FANCI: variants seen among roughly 807,000 people sequenced by gnomAD.
FANCI encodes Fanconi anemia group I protein.
In FANCI, 156 loss-of-function variants were observed where a neutral mutation model predicts 176.1. The ratio of observed to expected loss-of-function variants is 0.89; its 90% CI spans 0.78 to 1.01. The LOEUF (loss-of-function observed/expected upper bound fraction) is 1.01. Ranked by LOEUF, FANCI falls within the 50% of genes least tolerant of loss-of-function variation. The probability of loss-of-function intolerance (pLI) is 0.00; values close to 1 mark genes in which losing one functional copy is unlikely to be tolerated. For synonymous variants in FANCI, 613 were observed against 541.7 expected (o/e 1.13, Z -1.83); for missense variants, 1,678 against 1,534.1 (o/e 1.09, Z -1.57).
chr15:89,263,827 G>A, intron 7 of FANCI, 76 bp from the exon 8 acceptor site: 2 of 1,561,362 alleles, frequency 1.3e-6, no homozygotes, highest in Admixed American at 1.7e-5. Context: ...TTTAACCACT[G>A]TAAAGCCCTG....
Position 89,316,466 on chromosome 15 carries a change from T to A in FANCI, c.*7T>A. On this transcript the variant is annotated 3_prime_UTR_variant, in exon 38 of 38. Transcript: ENST00000310775. Reference sequence around the variant, plus strand: ...GAAGAAAAGGAAAAAATAAATGAAATGCCTGAGTTAATGTGAACTTTGGGG... The same window carrying A: ...GAAGAAAAGGAAAAAATAAATGAAAAGCCTGAGTTAATGTGAACTTTGGGG... 1 of 1,606,882 alleles carries A rather than the reference T, an allele frequency of 6.2e-7. No homozygotes were observed. Among genetic ancestry groups the A allele is most frequent in the South Asian group, 1.1e-5 (1 of 89,908 alleles).
At chr15:89,313,874 T>G (rs1460337180) in intron 35 of FANCI, among the ~76,000 whole-genome samples, 1 of 151,072 alleles carries the variant, frequency 6.6e-6, no homozygotes, top group Non-Finnish European at 1.5e-5. Flanking sequence ...AAAAAAAATT[T>G]GTACAGTATC....
rs1171951022 is a variant in FANCI at position 89,294,964 on chromosome 15, A to C, written c.2506A>C (p.Asn836His). ...AAGCCTTTCTGTTCTCAGGTCCAGCAATGAGTTTATGCGCTATGCAGTGAA... is the reference window on the plus strand; with the variant it reads ...AAGCCTTTCTGTTCTCAGGTCCAGCCATGAGTTTATGCGCTATGCAGTGAA... ...QESLSVLRSS[N>H]EFMRYAVNVA... The change falls in exon 24 of 38, where the codon AAT becomes CAT. Residue 836 changes from asparagine to histidine, a missense_variant. Around this residue, in one of 3 missense-constraint regions of FANCI, gnomAD observed 1,204 missense variants for 1,077.4 expected, o/e 1.12. Transcript: ENST00000310775. 16 of 1,552,258 alleles carry C rather than the reference A, an allele frequency of 1.0e-5. No individual in the cohort carries two copies. The highest frequency in any genetic ancestry group is 1.3e-5 in the Non-Finnish European group (15 of 1,147,152).
At chr15:89,311,283 G>A (rs910075135) in intron 34 of FANCI, among the ~76,000 whole-genome samples, 1 of 151,900 alleles carries the variant, frequency 6.6e-6, no homozygotes, top group Admixed American at 6.6e-5. Context: ...GCCGGGCATG[G>A]TAGTGCGTGC....
chr15:89,286,064 G>C (rs560971498), intron 18 of FANCI, among the ~76,000 whole-genome samples: 7 of 151,732 alleles, frequency 4.6e-5, no homozygotes, highest in African/African-American at 1.7e-4. Context: ...GTTCACTGCA[G>C]CCTCCATCCT....
In FANCI at chr15:89,316,642, G is replaced by T. The variant is rs749017921; in HGVS notation, c.*183G>T. 2.6e-6 allele frequency: 3 copies of T among 1,155,586 alleles called. No individual in the cohort carries two copies. Among genetic ancestry groups the T allele is most frequent in the Non-Finnish European group, 2.6e-6 (2 of 769,384 alleles). The allele number at this position is 1,155,586 out of a possible 1,614,324, so 71.6% of individuals were successfully genotyped here. A position where few individuals can be genotyped will look rare whatever the true frequency, so the allele number is the denominator to read the frequency against. ...CAGGTCCTGCTACTGAAAAATGGCT[G>T]GCCTTAGGCAAGCCCTTTTGCAAAA... On this transcript the variant is annotated 3_prime_UTR_variant, in exon 38 of 38. Transcript: ENST00000310775.
In FANCI at chr15:89,280,001, TTTAG is replaced by T. The variant is rs1414131037; in HGVS notation, c.1382-1167_1382-1164del. ...TGACTACAGAATCATCAATATGTTCTTTAGTAAATTGTCAGCTCTTTTTGTTTGT... is the reference window on the plus strand; with the variant it reads ...TGACTACAGAATCATCAATATGTTCTTAAATTGTCAGCTCTTTTTGTTTGT... On this transcript the variant is annotated intron_variant, in intron 14 of 37. Coordinates refer to ENST00000310775, the MANE Select transcript of FANCI (RefSeq NM_001113378.2). 2.6e-3 allele frequency among the ~76,000 whole-genome samples: 399 copies of T among 152,262 alleles called. 8 individuals carry two copies. Among genetic ancestry groups the T allele is most frequent in the East Asian group, 0.015 (76 of 5,178 alleles).
intron 34 of FANCI, among the ~76,000 whole-genome samples, chr15:89,311,248 G>A (rs984681794): frequency 1.4e-5 from 2 of 147,976 alleles, no homozygotes; most frequent in Admixed American, 6.7e-5. Flanking sequence ...AACAGAGCAT[G>A]ACTCTGTCTC....
At chr15:89,281,347 T>TA in intron 15 of FANCI, 47 bp downstream of exon 15, 1 of 1,607,766 alleles carries the variant, frequency 6.2e-7, no homozygotes, top group Non-Finnish European at 8.5e-7. Context: ...GAGGTTTAAC[T>TA]GTCTAGTGGA....
In FANCI at chr15:89,290,300, G is replaced by C. The variant is rs1315856892; in HGVS notation, c.1890+19G>C. The C allele has an allele frequency of 1.3e-6, 2 of 1,589,108 alleles. No homozygotes were observed. Among genetic ancestry groups the C allele is most frequent in the East Asian group, 4.5e-5 (2 of 44,718 alleles). On this transcript the variant is annotated intron_variant, in intron 19 of 37. Coordinates refer to ENST00000310775, the MANE Select transcript of FANCI (RefSeq NM_001113378.2). ...CTCACAGGTAAAATACATTTTTATG[G>C]ATATATGGAAAACAGACCATCAAGG...
rs1334042063 is a variant in FANCI at position 89,316,493 on chromosome 15, T to G, written c.*34T>G. 6.3e-7 allele frequency: 1 copy of G among 1,582,972 alleles called. No homozygotes were observed. The highest frequency in any genetic ancestry group is 8.6e-7 in the Non-Finnish European group (1 of 1,161,102). On this transcript the variant is annotated 3_prime_UTR_variant, in exon 38 of 38. Transcript: ENST00000310775. ...CCTGAGTTAATGTGAACTTTGGGGC[T>G]TCTGCTTCATTTTTACCCAACAAGC...
intron 35 of FANCI, among the ~76,000 whole-genome samples, chr15:89,313,637 A>G (rs1014673117): frequency 3.9e-5 from 6 of 152,306 alleles, no homozygotes; most frequent in African/African-American, 1.2e-4. Flanking sequence ...AGGCTTAGCA[A>G]TGACTACTGA....
Position 89,316,660 on chromosome 15 carries a change from T to G in FANCI, c.*201T>G, listed in dbSNP as rs1217212677. The G allele has an allele frequency of 8.0e-7, 1 of 1,253,970 alleles. No homozygotes were observed. The highest frequency in any genetic ancestry group is 1.2e-6 in the Non-Finnish European group (1 of 855,476). The allele number at this position is 1,253,970 out of a possible 1,614,324, so 77.7% of individuals were successfully genotyped here. A position where few individuals can be genotyped will look rare whatever the true frequency, so the allele number is the denominator to read the frequency against. On this transcript the variant is annotated 3_prime_UTR_variant, in exon 38 of 38. Coordinates refer to ENST00000310775, the MANE Select transcript of FANCI (RefSeq NM_001113378.2). ...AATGGCTGGCCTTAGGCAAGCCCTTTTGCAAAAAGCACAGCTGAAAGCCTG... is the reference window on the plus strand; with the variant it reads ...AATGGCTGGCCTTAGGCAAGCCCTTGTGCAAAAAGCACAGCTGAAAGCCTG...
chr15:89,266,150 C>T (rs940243426), intron 9 of FANCI, among the ~76,000 whole-genome samples: 2 of 149,498 alleles, frequency 1.3e-5, no homozygotes, highest in Non-Finnish European at 3.0e-5. Flanking sequence ...GCACGTGACA[C>T]CAAGCCTGGC....
At chr15:89,308,795 A>C (rs1305054312) in intron 34 of FANCI, among the ~76,000 whole-genome samples, 1 of 152,058 alleles carries the variant, frequency 6.6e-6, no homozygotes, top group African/African-American at 2.4e-5. Flanking sequence ...AAATACAAAA[A>C]ATTAGCTGAG....
chr15:89,251,891 A>G (rs1324270438), intron 2 of FANCI, among the ~76,000 whole-genome samples: 3 of 152,176 alleles, frequency 2.0e-5, no homozygotes, highest in Admixed American at 1.3e-4. Flanking sequence ...CCATAGAGAC[A>G]TTTCCTCTAA....
rs10707260 is a variant in FANCI at position 89,273,299 on chromosome 15, CT to C, written c.883-67del. ...AGCCTGGGCAACAGAGAGACCCAAT[CT>C]TTTTTTTTTTAAAAAAAAAAAAAAA... On this transcript the variant is annotated intron_variant, in intron 10 of 37. Coordinates refer to ENST00000310775, the MANE Select transcript of FANCI (RefSeq NM_001113378.2). 11,980 of 640,606 alleles carry C rather than the reference CT, an allele frequency of 0.019. 469 individuals carry two copies. The highest frequency in any genetic ancestry group is 0.17 in the African/African-American group (7,110 of 42,732). The allele number at this position is 640,606 out of a possible 1,614,324, so 39.7% of individuals were successfully genotyped here. A position where few individuals can be genotyped will look rare whatever the true frequency, so the allele number is the denominator to read the frequency against.
In FANCI at chr15:89,291,599, C is replaced by G; in HGVS notation, c.1891-14C>G. On this transcript the variant is annotated splice_polypyrimidine_tract_variant and intron_variant, in intron 19 of 37. Transcript: ENST00000310775. ...TTATGAGCCAAGATGTCTTTTTTTTCTTACTATACACAGTTAAAACAGTTC... is the reference window on the plus strand; with the variant it reads ...TTATGAGCCAAGATGTCTTTTTTTTGTTACTATACACAGTTAAAACAGTTC... 6.2e-7 allele frequency: 1 copy of G among 1,604,436 alleles called. No homozygotes were observed. The highest frequency in any genetic ancestry group is 8.5e-7 in the Non-Finnish European group (1 of 1,172,312).
At chr15:89,270,228 C>A (rs1388908294) in intron 10 of FANCI, among the ~76,000 whole-genome samples, 1 of 152,168 alleles carries the variant, frequency 6.6e-6, no homozygotes, top group Non-Finnish European at 1.5e-5. Flanking sequence ...TGTAGTTTGC[C>A]AACCACTGTT....
Sources: allele counts gnomAD v4.1 joint callset (sites outside exome capture counted in the v4.1 genomes callset), GRCh38; gene constraint gnomAD v4.1.1; regional missense constraint gnomAD v4.1.1; transcripts MANE v1.5; gene names NCBI Gene and HGNC (gene_info 2026-07-23, HGNC 2026-07-21).